Variants in ARMH4 observed in about 807,000 individuals in gnomAD.
ARMH4 encodes armadillo-like helical domain-containing protein 4.
In ARMH4, 49 loss-of-function variants were observed where a neutral mutation model predicts 61.9. That is an observed-to-expected ratio of 0.79 (90% CI 0.63 to 1.00). The LOEUF (loss-of-function observed/expected upper bound fraction) is 1.00, where lower values mean the gene tolerates loss of function less well. Among genes scored for constraint, ARMH4 ranks in the 50% least tolerant of loss-of-function variants. ARMH4 has a pLI of 0.00. For synonymous variants in ARMH4, 368 were observed against 341.5 expected, an observed-to-expected ratio of 1.08 and a Z score of -0.85; for missense variants, 934 against 930.0, an observed-to-expected ratio of 1.00 and a Z score of -0.06.
intron 5 of ARMH4, among the ~76,000 whole-genome samples, chr14:58,029,477 G>A (rs763768972): frequency 1.7e-4 from 26 of 151,992 alleles, no homozygotes; most frequent in African/African-American, 2.9e-4. Context: ...CAGGTGATCC[G>A]CCTACCTCGG....
intron 5 of ARMH4, among the ~76,000 whole-genome samples, chr14:58,084,326 G>C (rs1293369463): frequency 6.6e-6 from 1 of 152,166 alleles, no homozygotes; most frequent in Non-Finnish European, 1.5e-5. Flanking sequence ...ATCCTGAGCT[G>C]TTAGGTCTAG....
chr14:58,074,320 C>T (rs1884976815), intron 5 of ARMH4, among the ~76,000 whole-genome samples: 1 of 152,162 alleles, frequency 6.6e-6, no homozygotes, highest in Non-Finnish European at 1.5e-5. Context: ...TACCCTAACC[C>T]ACTCTTTTCC....
chr14:58,065,000 T>C (rs1001890348), intron 5 of ARMH4, among the ~76,000 whole-genome samples: 1 of 152,076 alleles, frequency 6.6e-6, no homozygotes, highest in Non-Finnish European at 1.5e-5. Context: ...TCCCAGCACT[T>C]TGGGAGGCCG....
intron 5 of ARMH4, among the ~76,000 whole-genome samples, chr14:58,017,814 C>A (rs1351015025): frequency 2.0e-5 from 3 of 151,832 alleles, no homozygotes; most frequent in Admixed American, 2.0e-4. Flanking sequence ...ATAGCTAAAG[C>A]AATCTTCAAC....
chr14:58,070,485 G>A (rs1456019060), intron 5 of ARMH4, among the ~76,000 whole-genome samples: 3 of 152,180 alleles, frequency 2.0e-5, no homozygotes, highest in African/African-American at 4.8e-5. Context: ...GTTTCCCCAT[G>A]GCTCCTCCCA....
chr14:58,074,700 G>A (rs1331235105), intron 5 of ARMH4, among the ~76,000 whole-genome samples: 4 of 152,062 alleles, frequency 2.6e-5, no homozygotes, highest in Non-Finnish European at 4.4e-5. Flanking sequence ...GACGTAAATA[G>A]CCTCGAAAGC....
At chr14:58,041,972 C>T (rs1244640284) in intron 5 of ARMH4, among the ~76,000 whole-genome samples, 1 of 152,030 alleles carries the variant, frequency 6.6e-6, no homozygotes. Context: ...TACAAAGAGA[C>T]TTAGACTCCC....
At chr14:58,107,625 G>A (rs553663611) in intron 4 of ARMH4, among the ~76,000 whole-genome samples, 31 of 152,122 alleles carry the variant, frequency 2.0e-4, no homozygotes, top group South Asian at 1.2e-3. Context: ...TTAGCCGGGC[G>A]TAGTGGTGCA....
chr14:58,045,980 G>T (rs1310066382), intron 5 of ARMH4, among the ~76,000 whole-genome samples: 1 of 152,224 alleles, frequency 6.6e-6, no homozygotes, highest in African/African-American at 2.4e-5. Context: ...CATGAAACAG[G>T]CTCTCCCTCA....
chr14:58,144,422 G>A (rs1887665513), intron 1 of ARMH4, among the ~76,000 whole-genome samples: 1 of 152,148 alleles, frequency 6.6e-6, no homozygotes, highest in South Asian at 2.1e-4. Flanking sequence ...GCACACACCA[G>A]TAGTCCTAGT....
intron 5 of ARMH4, among the ~76,000 whole-genome samples, chr14:58,054,796 G>A (rs548139025): frequency 6.6e-6 from 1 of 151,040 alleles, no homozygotes; most frequent in Non-Finnish European, 1.5e-5. Context: ...AGAATCACTT[G>A]AACCTGGGAG....
intron 5 of ARMH4, among the ~76,000 whole-genome samples, chr14:58,032,852 C>G (rs4556716): frequency 6.6e-6 from 1 of 151,798 alleles, no homozygotes; most frequent in African/African-American, 2.4e-5. Context: ...ACCGGCTTAA[C>G]AAACGGCGCA....
At chr14:58,115,502 A>T (rs1156575713) in intron 4 of ARMH4, among the ~76,000 whole-genome samples, 1 of 152,238 alleles carries the variant, frequency 6.6e-6, no homozygotes, top group Non-Finnish European at 1.5e-5. Flanking sequence ...GCCCCTGTGG[A>T]AAGCAGTTTG....
intron 6 of ARMH4, among the ~76,000 whole-genome samples, chr14:58,009,840 A>AAC (rs1882330173): frequency 6.9e-6 from 1 of 145,188 alleles, no homozygotes; most frequent in Non-Finnish European, 1.5e-5. Flanking sequence ...AGAGAGAGAG[A>AAC]GAGATAACAA....
At chr14:58,090,058 A>C (rs11623561) in intron 5 of ARMH4, among the ~76,000 whole-genome samples, 63,633 of 152,052 alleles carry the variant, frequency 0.42, 13,691 homozygotes, top group Non-Finnish European at 0.47. Context: ...CTAGACCATT[A>C]ATTGAGCATC....
In ARMH4 at chr14:58,138,693, A is replaced by C; in HGVS notation, c.666T>G (p.Thr222=). 6.2e-7 allele frequency: 1 copy of C among 1,614,118 alleles called. No individual in the cohort carries two copies. The highest frequency in any genetic ancestry group is 1.1e-5 in the South Asian group (1 of 91,080). Residue 222 remains threonine, a synonymous_variant, in exon 2 of 8, where the codon ACT becomes ACG. Coordinates refer to ENST00000267485, the MANE Select transcript of ARMH4 (RefSeq NM_001001872.4). ...GGTCTGTGTCTGCTTCAAATTTCTC[A>C]GTCTTTGGATTGGTGGTTAGCATTT... ...TKEMLTTNPK[T]EKFEADTDHR... is the part of the protein sequence containing the mutation.
chr14:58,004,818 A>T lies in ARMH4; in HGVS notation c.2257-14T>A. 6.2e-7 allele frequency: 1 copy of T among 1,604,932 alleles called. No individual in the cohort carries two copies. The highest frequency in any genetic ancestry group is 8.5e-7 in the Non-Finnish European group (1 of 1,172,382). On this transcript the variant is annotated splice_polypyrimidine_tract_variant and intron_variant, in intron 7 of 7. Transcript: ENST00000267485. The stretch of plus-strand genomic sequence containing the variant: ...GAATTCTCTCTGCTAGAGAAAGAAA[A>T]CAGAAAAGCATTAAACTCTTTCTGC...
intron 4 of ARMH4, among the ~76,000 whole-genome samples, chr14:58,107,846 A>G (rs1333760633): frequency 6.6e-6 from 1 of 151,924 alleles, no homozygotes; most frequent in Non-Finnish European, 1.5e-5. Context: ...TTCACCAGGC[A>G]TGGACTGAGC....
At chr14:58,077,531 T>C (rs958178145) in intron 5 of ARMH4, among the ~76,000 whole-genome samples, 34 of 152,132 alleles carry the variant, frequency 2.2e-4, no homozygotes, top group Non-Finnish European at 3.8e-4. Context: ...CGCTTGAGCC[T>C]GGGAGGTCAA....
Sources: allele counts gnomAD v4.1 joint callset (sites outside exome capture counted in the v4.1 genomes callset), GRCh38; gene constraint gnomAD v4.1.1; transcripts MANE v1.5; gene names NCBI Gene and HGNC (gene_info 2026-07-23, HGNC 2026-07-21).